EVC2: variants seen among roughly 807,000 people sequenced by gnomAD.
The protein encoded by EVC2 is limbin.
Under a neutral mutation model 149.3 loss-of-function variants are expected in EVC2, and 148 were observed. That is an observed-to-expected ratio of 0.99 (90% confidence interval 0.87 to 1.14). The LOEUF (loss-of-function observed/expected upper bound fraction) is 1.14, where lower values mean the gene tolerates loss of function less well. Ranked by LOEUF, EVC2 falls within the 50% of genes most tolerant of loss-of-function variation. The probability of loss-of-function intolerance (pLI) is 0.00; values close to 1 mark genes in which losing one functional copy is unlikely to be tolerated. For synonymous variants in EVC2, 776 were observed against 649.9 expected (o/e 1.19, Z -2.95); for missense variants, 1,854 against 1,627.3 (o/e 1.14, Z -2.40).
chr4:5,580,795 C>CTAATATGGTT (rs1458805496), intron 17 of EVC2, among the ~76,000 whole-genome samples: 1 of 412 alleles, frequency 2.4e-3, no homozygotes, highest in African/African-American at 0.011. Context: ...CAATTAAAGA[C>CTAATATGGTT]TGAATTTGTC....
intron 17 of EVC2, among the ~76,000 whole-genome samples, chr4:5,579,819 T>C (rs969504472): frequency 3.3e-5 from 5 of 152,160 alleles, no homozygotes; most frequent in Non-Finnish European, 5.9e-5. Flanking sequence ...CCAGCCTGGG[T>C]GACAGTGACT....
At chr4:5,632,149 G>A (rs1483340911) in intron 10 of EVC2, 117 bp from the exon 11 acceptor site, 1 of 1,366,694 alleles carries the variant, frequency 7.3e-7, no homozygotes, top group African/African-American at 1.4e-5. Context: ...TGAACACACA[G>A]ATGCATGCAC....
At position 5,584,726 on chromosome 4, in the gene EVC2, T is replaced by G. The variant is rs753942333; in HGVS notation, c.2954A>C (p.Tyr985Ser). ...GTCCTGGATGCTGAGGAGGGCGGTG[T>G]AGGCCGACAGAGTCTCGGTCACCCG... ...ASRVTETLSA[Y>S]TALLSIQDLL... The change falls in exon 17 of 22, where the codon TAC (tyrosine) becomes TCC (serine). Residue 985 changes from tyrosine (Y) to serine (S), a missense_variant. Physicochemically the swap from Tyr to Ser is moderately radical, Grantham distance 144 (BLOSUM62 -2). Transcript: ENST00000344408. The G allele has an allele frequency of 6.8e-6, 11 of 1,614,140 alleles. No homozygotes were observed. The highest frequency in any genetic ancestry group is 9.3e-6 in the Non-Finnish European group (11 of 1,180,022).
rs976833828 is a variant in EVC2, at chr4:5,708,287, T to C, written c.227A>G (p.Gln76Arg). 1.4e-6 allele frequency: 2 copies of C among 1,478,214 alleles called. No individual in the cohort carries two copies. The highest frequency in any genetic ancestry group is 2.3e-5 in the Admixed American group (1 of 43,426). The allele number at this position is 1,478,214 out of a possible 1,614,324, so 91.6% of individuals were successfully genotyped here. ...RSGAGPESST[Q>R]DLPCMIWPKV... ...AGCCTGGGGTCGGGCCCTCCTTACC[T>C]GCGTGCTGCTCTCGGGCCCCGCCCC... The change falls in exon 1 of 22, where the codon CAG becomes CGG. Residue 76 changes from glutamine (Q) to arginine (R), a missense_variant and splice_region_variant. By Grantham distance (43) the Gln-to-Arg change is conservative. Coordinates refer to ENST00000344408, the MANE Select transcript of EVC2 (RefSeq NM_147127.5).
rs1026940677 is a variant in EVC2 at position 5,686,346 on chromosome 4, T to C, written c.707-867A>G. 1.3e-5 allele frequency among the ~76,000 whole-genome samples: 2 copies of C among 152,136 alleles called. No homozygotes were observed. Among genetic ancestry groups the C allele is most frequent in the African/African-American group, 2.4e-5 (1 of 41,440 alleles). On this transcript the variant is annotated intron_variant, in intron 5 of 21. Transcript: ENST00000344408. The surrounding 1 kb of genome is among the most constrained non-coding windows in gnomAD (Gnocchi z 5.4). Reference sequence around the variant, plus strand: ...TAGCTGGGACTTTAGGTGTGGACCATGCTCATCTCATTTTATTTTTATATA... The same window carrying C: ...TAGCTGGGACTTTAGGTGTGGACCACGCTCATCTCATTTTATTTTTATATA...
chr4:5,701,219 T>G (rs1721802743), intron 1 of EVC2, among the ~76,000 whole-genome samples: 1 of 152,236 alleles, frequency 6.6e-6, no homozygotes, highest in African/African-American at 2.4e-5. Context: ...ATCTCTTCTC[T>G]GCCTGCTTCT....
intron 16 of EVC2, among the ~76,000 whole-genome samples, chr4:5,605,906 G>A (rs1447252280): frequency 6.6e-6 from 1 of 152,208 alleles, no homozygotes; most frequent in Admixed American, 6.5e-5. Flanking sequence ...TGTGGCATGA[G>A]ACCTTCCTGT....
intron 15 of EVC2, among the ~76,000 whole-genome samples, chr4:5,617,373 A>G (rs4425308): frequency 0.12 from 18,604 of 152,164 alleles, 2,319 homozygotes; most frequent in African/African-American, 0.32. Context: ...AAGCTTCAGT[A>G]ATTTTAATAT....
At chr4:5,628,325 C>G (rs1040521521) in intron 12 of EVC2, among the ~76,000 whole-genome samples, 2 of 152,100 alleles carry the variant, frequency 1.3e-5, no homozygotes, top group Non-Finnish European at 2.9e-5. Flanking sequence ...TTAGTTATCA[C>G]GGGTTTGACT....
At chr4:5,529,434 T>G in the EVC2 span, among the ~76,000 whole-genome samples, 1 of 152,226 alleles carries the variant, frequency 6.6e-6, no homozygotes, top group South Asian at 2.1e-4. This position sits in a 1 kb window ranked among gnomAD's most constrained non-coding sequence, Gnocchi z 4.5. Flanking sequence ...CGAAGAATCC[T>G]TTCCTTATTT....
chr4:5,576,809 G>T lies in EVC2; in HGVS notation c.3058-355C>A, dbSNP rs1479686688. On this transcript the variant is annotated intron_variant, in intron 17 of 21. Transcript: ENST00000344408. The surrounding 1 kb of genome is among the most constrained non-coding windows in gnomAD (Gnocchi z 4.5). ...AGACACAGATGCCCTCTCCTCATGTGCCCACTCACTACCCCTTGCATGCAC... is the reference window on the plus strand; with the variant it reads ...AGACACAGATGCCCTCTCCTCATGTTCCCACTCACTACCCCTTGCATGCAC... Among the ~76,000 whole-genome samples the T allele has an allele frequency of 6.6e-6, 1 of 152,158 alleles. No individual in the cohort carries two copies. The highest frequency in any genetic ancestry group is 1.5e-5 in the Non-Finnish European group (1 of 68,026).
Position 5,680,791 on chromosome 4 carries a change from C to G in EVC2, c.870+469G>C, listed in dbSNP as rs575233091. ...GAAGTGTTGTTACCTGGTGAATTAA[C>G]ACTTGGTGAATACATGAGTGAGTGA... On this transcript the variant is annotated intron_variant, in intron 7 of 21. Transcript: ENST00000344408. Among the ~76,000 whole-genome samples, 64 of 152,336 alleles carry G rather than the reference C, an allele frequency of 4.2e-4. 1 individual carries two copies. Among genetic ancestry groups the G allele is most frequent in the Non-Finnish European group, 7.8e-4 (53 of 68,030 alleles).
downstream of EVC2, among the ~76,000 whole-genome samples, chr4:5,537,808 T>C (rs1721448067): frequency 6.6e-6 from 1 of 152,086 alleles, no homozygotes; most frequent in Non-Finnish European, 1.5e-5. Flanking sequence ...AGAGAGAAAT[T>C]TATGGCACTA....
chr4:5,561,483 G>GC (rs1721956969), downstream of EVC2, among the ~76,000 whole-genome samples: 1 of 152,208 alleles, frequency 6.6e-6, no homozygotes, highest in Admixed American at 6.5e-5. Context: ...ATGCAGTCAT[G>GC]CAGTCAAGTG....
rs1715044362 is a variant in EVC2, at chr4:5,613,943, CTGA to C, written c.2829+1476_2829+1478del. Among the ~76,000 whole-genome samples the C allele has an allele frequency of 1.3e-5, 2 of 152,094 alleles. No individual in the cohort carries two copies. The highest frequency in any genetic ancestry group is 1.3e-4 in the Admixed American group (2 of 15,254). On this transcript the variant is annotated intron_variant, in intron 16 of 21. Coordinates refer to ENST00000344408, the MANE Select transcript of EVC2 (RefSeq NM_147127.5). The surrounding 1 kb of genome is among the most constrained non-coding windows in gnomAD (Gnocchi z 4.6). ...CTTGGCGAGATCGTGCATTCGTGTT[CTGA>C]GAAATACACCGGCACTAAAATAAAA...
At chr4:5,541,875 G>A (rs972375251), downstream of EVC2, among the ~76,000 whole-genome samples, 1 of 152,154 alleles carries the variant, frequency 6.6e-6, no homozygotes, top group African/African-American at 2.4e-5. Flanking sequence ...CTGCCCTCAC[G>A]GAGTTTATGT....
At chr4:5,671,006 C>T (rs747200091) in intron 7 of EVC2, among the ~76,000 whole-genome samples, 11 of 152,192 alleles carry the variant, frequency 7.2e-5, no homozygotes, top group Non-Finnish European at 1.5e-4. Flanking sequence ...GCGGCAGCAA[C>T]ACCATTACCA....
At chr4:5,685,563 G>T in intron 5 of EVC2, 84 bp from the exon 6 acceptor site, 1 of 1,156,496 alleles carries the variant, frequency 8.6e-7, no homozygotes, top group Non-Finnish European at 1.3e-6. Flanking sequence ...ACACATCCTG[G>T]CCCCTGGCTT....
intron 9 of EVC2, among the ~76,000 whole-genome samples, chr4:5,648,084 C>T (rs1327605617): frequency 6.6e-6 from 1 of 152,134 alleles, no homozygotes; most frequent in Non-Finnish European, 1.5e-5. Flanking sequence ...TAATTTAATA[C>T]ATTCATTTAA....
Sources: gnomAD v4.1 joint callset for allele counts (sites outside exome capture counted in the v4.1 genomes callset) on GRCh38, gnomAD v4.1.1 for gene constraint, Gnocchi (gnomAD v3.1) non-coding constraint, MANE v1.5 for transcripts, NCBI Gene and HGNC (gene_info 2026-07-23, HGNC 2026-07-21) for gene names.